The following GRIK5 variants were observed in gnomAD, a reference collection of about 807,000 sequenced individuals.
The protein encoded by GRIK5 is glutamate receptor ionotropic, kainate 5.
Under a neutral mutation model 97.4 loss-of-function variants are expected in GRIK5, and 43 were observed. That is an observed-to-expected ratio of 0.44 (90% CI 0.35 to 0.57). The LOEUF (loss-of-function observed/expected upper bound fraction) is 0.57. Among genes scored for constraint, GRIK5 ranks in the 20% least tolerant of loss-of-function variants. The pLI is 0.01. For synonymous variants in GRIK5, 580 were observed against 583.5 expected (o/e 0.99, Z 0.09); for missense variants, 1,015 against 1,382.0 (o/e 0.73, Z 4.21).
At chr19:42,037,810 T>C (rs1358559061) in intron 12 of GRIK5, among the ~76,000 whole-genome samples, 1 of 152,210 alleles carries the variant, frequency 6.6e-6, no homozygotes, top group East Asian at 1.9e-4. Flanking sequence ...CAGTGGGTGC[T>C]TAAAGGCCTG....
In GRIK5 at chr19:42,065,932, C is replaced by G. The variant is rs2076325547; in HGVS notation, c.-50-112G>C. On this transcript the variant is annotated intron_variant, in intron 1 of 19. Transcript: ENST00000593562. The surrounding 1 kb of genome is among the most constrained non-coding windows in gnomAD (Gnocchi z 5.8). ...AAGCCTTGGGGACATTGTTGGCAAG[C>G]AGTTCACAGCTCTGCAGAGCCCTGC... 1.6e-6 allele frequency: 1 copy of G among 629,416 alleles called. No individual in the cohort carries two copies. Among genetic ancestry groups the G allele is most frequent in the Non-Finnish European group, 2.9e-6 (1 of 349,190 alleles). The allele number at this position is 629,416 out of a possible 1,614,324, so 39.0% of individuals were successfully genotyped here. A position where few individuals can be genotyped will look rare whatever the true frequency, so the allele number is the denominator to read the frequency against.
chr19:42,061,872 C>T (rs751469794), intron 5 of GRIK5, among the ~76,000 whole-genome samples: 24 of 152,244 alleles, frequency 1.6e-4, no homozygotes, highest in Non-Finnish European at 3.2e-4. Context: ...CCTGTCCCCT[C>T]GCCCTGCCCG....
At position 42,021,362 on chromosome 19, in the gene GRIK5, T is replaced by G; in HGVS notation, c.1810A>C (p.Met604Leu). The change falls in exon 15 of 20, where the codon ATG (methionine) becomes CTG (leucine). Residue 604 changes from methionine (M) to leucine (L), a missense_variant. Coordinates refer to ENST00000593562, the MANE Select transcript of GRIK5 (RefSeq NM_002088.5). This position sits in a 1 kb window ranked among gnomAD's most constrained non-coding sequence, Gnocchi z 4.2. ...GGCATGATCTCCGAGCCCTGCTGCA[T>G]GAAGCCCCCCACGGGAAACCACAGG... ...NSLWFPVGGFMQQGSEIMPRA... is the reference protein window; with the variant it reads ...NSLWFPVGGFLQQGSEIMPRA... 1 of 1,613,698 alleles carries G rather than the reference T, an allele frequency of 6.2e-7. No individual in the cohort carries two copies. The highest frequency in any genetic ancestry group is 8.5e-7 in the Non-Finnish European group (1 of 1,179,892).
rs73051456 is a variant in GRIK5, at chr19:42,046,424, C to T, written c.1270-3669G>A. 3.3e-3 allele frequency among the ~76,000 whole-genome samples: 499 copies of T among 152,274 alleles called. 3 individuals are homozygous for T. Among genetic ancestry groups the T allele is most frequent in the Non-Finnish European group, 5.5e-3 (375 of 68,020 alleles). On this transcript the variant is annotated intron_variant, in intron 11 of 19. Transcript: ENST00000593562. ...TTCAGACTTCAAAAAGAATCTTATG[C>T]AGAAGCCCAACACTGCAGCCAGACA...
In GRIK5 at chr19:42,065,150, C is replaced by T; in HGVS notation, c.244+73G>A. On this transcript the variant is annotated intron_variant, in intron 3 of 19. Coordinates refer to ENST00000593562, the MANE Select transcript of GRIK5 (RefSeq NM_002088.5). This position sits in a 1 kb window ranked among gnomAD's most constrained non-coding sequence, Gnocchi z 5.8. ...GAAGAGGACAAGGCCAGGCCAGAGG[C>T]CAGGGGCAGAGGGATGGACTGAGGG... 1 of 1,360,556 alleles carries T rather than the reference C, an allele frequency of 7.3e-7. No individual in the cohort carries two copies. The highest frequency in any genetic ancestry group is 1.3e-5 in the South Asian group (1 of 77,408). The allele number at this position is 1,360,556 out of a possible 1,614,324, so 84.3% of individuals were successfully genotyped here.
At position 42,062,192 on chromosome 19, in the gene GRIK5, C is replaced by T. The variant is rs1443261205; in HGVS notation, c.508+296G>A. Among the ~76,000 whole-genome samples the T allele has an allele frequency of 6.6e-6, 1 of 152,170 alleles. No individual in the cohort carries two copies. Among genetic ancestry groups the T allele is most frequent in the Non-Finnish European group, 1.5e-5 (1 of 68,024 alleles). On this transcript the variant is annotated intron_variant, in intron 5 of 19. Coordinates refer to ENST00000593562, the MANE Select transcript of GRIK5 (RefSeq NM_002088.5). This position sits in a 1 kb window ranked among gnomAD's most constrained non-coding sequence, Gnocchi z 5.3. Reference sequence around the variant, plus strand: ...ACTCTGTATCACAACAGCTCAATGACCAATGACCTCCACTAGAACCGGAGT... The same window carrying T: ...ACTCTGTATCACAACAGCTCAATGATCAATGACCTCCACTAGAACCGGAGT...
rs770109964 is a variant in GRIK5 at position 42,021,268 on chromosome 19, G to A, written c.1871+33C>T. The A allele has an allele frequency of 6.3e-6, 10 of 1,586,502 alleles. No individual in the cohort carries two copies. The highest frequency in any genetic ancestry group is 3.4e-5 in the Admixed American group (2 of 58,092). ...CAGGCCTCAGATGGGTCCCTCCCTC[G>A]CCCCGGGCAGAGGCAGATAGAAAGC... On this transcript the variant is annotated intron_variant, in intron 15 of 19. Coordinates refer to ENST00000593562, the MANE Select transcript of GRIK5 (RefSeq NM_002088.5). The surrounding 1 kb of genome is among the most constrained non-coding windows in gnomAD (Gnocchi z 4.2).
Position 42,022,202 on chromosome 19 carries a change from T to C in GRIK5, c.1587+39A>G. ...CCCACTCGCAGGCCCTGAGCCTCCATGCCAGGCAAGCAGCCCATGGTCTCC... is the reference window on the plus strand; with the variant it reads ...CCCACTCGCAGGCCCTGAGCCTCCACGCCAGGCAAGCAGCCCATGGTCTCC... On this transcript the variant is annotated intron_variant, in intron 13 of 19. Coordinates refer to ENST00000593562, the MANE Select transcript of GRIK5 (RefSeq NM_002088.5). The surrounding 1 kb of genome is among the most constrained non-coding windows in gnomAD (Gnocchi z 4.2). 6.5e-7 allele frequency: 1 copy of C among 1,534,986 alleles called. No individual in the cohort carries two copies. The highest frequency in any genetic ancestry group is 1.1e-5 in the South Asian group (1 of 89,432).
intron 12 of GRIK5, among the ~76,000 whole-genome samples, chr19:42,026,149 C>T (rs1016453682): frequency 4.6e-5 from 7 of 152,042 alleles, no homozygotes; most frequent in African/African-American, 9.7e-5. Flanking sequence ...CTACGCCTGA[C>T]TAATTTTGTT....
At chr19:42,029,677 C>T (rs187740018) in intron 12 of GRIK5, among the ~76,000 whole-genome samples, 9 of 152,260 alleles carry the variant, frequency 5.9e-5, no homozygotes, top group East Asian at 1.9e-4. Flanking sequence ...CAATACTTTG[C>T]GAATGAATCT....
intron 11 of GRIK5, among the ~76,000 whole-genome samples, chr19:42,050,744 C>T (rs938901192): frequency 1.3e-5 from 2 of 151,900 alleles, no homozygotes; most frequent in African/African-American, 4.8e-5. Context: ...TCTAGCTGGG[C>T]GACCTTGGGC....
rs544966243 is a variant in GRIK5, at chr19:42,030,110, T to C, written c.1474-7756A>G. ...TTTACATTTAGTTAACAATTCTTTA[T>C]ACTAAATACTCTCTATTCAAATAAC... On this transcript the variant is annotated intron_variant, in intron 12 of 19. Coordinates refer to ENST00000593562, the MANE Select transcript of GRIK5 (RefSeq NM_002088.5). Among the ~76,000 whole-genome samples the C allele has an allele frequency of 8.5e-5, 13 of 152,352 alleles. No individual in the cohort carries two copies. The Middle Eastern group carries it at 0.014, about 159-fold the overall frequency.
intron 12 of GRIK5, among the ~76,000 whole-genome samples, chr19:42,030,107 T>C (rs996083507): frequency 6.6e-6 from 1 of 152,248 alleles, no homozygotes; most frequent in African/African-American, 2.4e-5. Flanking sequence ...TAACAATTCT[T>C]TATACTAAAT....
rs755282217 is a variant in GRIK5, at chr19:42,056,973, C to T, written c.693G>A (p.Ser231=). Residue 231 remains serine, a synonymous_variant, in exon 7 of 20, where the codon TCG becomes TCA. Coordinates refer to ENST00000593562, the MANE Select transcript of GRIK5 (RefSeq NM_002088.5). ...AAAACGCTGAGGTCATTCCCAGTTC[C>T]GAGGCCTGGAAAACACAGGAGGCAA... ...SISHLILRKA[S]ELGMTSAFYK... is the part of the protein sequence containing the mutation. 21 of 1,554,724 alleles carry T rather than the reference C, an allele frequency of 1.4e-5. No individual in the cohort carries two copies. The East Asian group carries it at 1.9e-4, about 14-fold the overall frequency.
Position 42,063,000 on chromosome 19 carries a change from C to T in GRIK5, c.245-145G>A. 2 of 649,738 alleles carry T rather than the reference C, an allele frequency of 3.1e-6. No homozygotes were observed. The highest frequency in any genetic ancestry group is 5.5e-6 in the Non-Finnish European group (2 of 363,014). 40.2% of individuals were successfully genotyped at this position (649,738 alleles called of 1,614,324 possible). On this transcript the variant is annotated intron_variant, in intron 3 of 19. Transcript: ENST00000593562. The surrounding 1 kb of genome is among the most constrained non-coding windows in gnomAD (Gnocchi z 5.3). ...CTTCTGCCATCCGGGACCCAGAAGGCCAGTCTCTGACCCCACCCAACAAGT... is the reference window on the plus strand; with the variant it reads ...CTTCTGCCATCCGGGACCCAGAAGGTCAGTCTCTGACCCCACCCAACAAGT...
At chr19:42,016,445 A>T (rs542193068) in intron 15 of GRIK5, among the ~76,000 whole-genome samples, 1 of 152,218 alleles carries the variant, frequency 6.6e-6, no homozygotes, top group African/African-American at 2.4e-5. Flanking sequence ...TAAAAACAAA[A>T]CAACAACAAC....
intron 12 of GRIK5, among the ~76,000 whole-genome samples, chr19:42,024,660 C>T (rs895226166): frequency 5.3e-5 from 8 of 152,174 alleles, no homozygotes; most frequent in South Asian, 4.1e-4. Context: ...AGATCCTGCT[C>T]GGGTTTGACC....
intron 15 of GRIK5, among the ~76,000 whole-genome samples, chr19:42,018,911 T>C (rs2146043352): frequency 6.6e-6 from 1 of 152,284 alleles, no homozygotes; most frequent in East Asian, 1.9e-4. Flanking sequence ...GGGCGGGGAC[T>C]GGCCTGCTGA....
intron 19 of GRIK5, among the ~76,000 whole-genome samples, chr19:42,000,933 T>G (rs1166812218): frequency 1.3e-5 from 2 of 152,176 alleles, no homozygotes; most frequent in Admixed American, 1.3e-4. Context: ...TTTGACACTT[T>G]AAACATCTTG....
Sources: allele counts gnomAD v4.1 joint callset (sites outside exome capture counted in the v4.1 genomes callset), GRCh38; gene constraint gnomAD v4.1.1; non-coding constraint Gnocchi (gnomAD v3.1); transcripts MANE v1.5; gene names NCBI Gene and HGNC (gene_info 2026-07-23, HGNC 2026-07-21).